The following GFRA1 variants were observed in gnomAD, a reference collection of about 807,000 sequenced individuals.
GFRA1 encodes GDNF family receptor alpha-1.
GFRA1 carries 16 observed loss-of-function variants against 51.6 expected under a neutral mutation model. The observed-to-expected ratio is 0.31, with a 90% CI of 0.21 to 0.47. The LOEUF (loss-of-function observed/expected upper bound fraction) is 0.47. GFRA1 is among the 20% of genes least tolerant of loss of function. The pLI is 1.00. For missense variants in GFRA1, 530 were observed against 594.3 expected (o/e 0.89, Z 1.13); for synonymous variants, 270 against 241.3 (o/e 1.12, Z -1.10).
At chr10:116,127,113 A>T (rs1957911037) in intron 5 of GFRA1, among the ~76,000 whole-genome samples, 1 of 144,930 alleles carries the variant, frequency 6.9e-6, no homozygotes, top group Admixed American at 6.8e-5. Context: ...AAAAAAAAAA[A>T]ATGGGGAGTT....
chr10:116,246,423 C>T (rs1967869174), intron 4 of GFRA1, among the ~76,000 whole-genome samples: 1 of 152,144 alleles, frequency 6.6e-6, no homozygotes, highest in Non-Finnish European at 1.5e-5. Flanking sequence ...AAGAGCAAGA[C>T]TCCGTCTCTA....
chr10:116,207,954 T>C (rs1964910875), intron 5 of GFRA1, among the ~76,000 whole-genome samples: 1 of 152,110 alleles, frequency 6.6e-6, no homozygotes, highest in South Asian at 2.1e-4. Flanking sequence ...TCTCATGTAC[T>C]GTTCTGTGTG....
intron 9 of GFRA1, among the ~76,000 whole-genome samples, chr10:116,079,456 T>G (rs2133827676): frequency 6.6e-6 from 1 of 151,702 alleles, no homozygotes; most frequent in Admixed American, 6.5e-5. Context: ...AACACGAGGA[T>G]TCTCAAAAGC....
chr10:116,202,174 G>C (rs1408052078), intron 5 of GFRA1, among the ~76,000 whole-genome samples: 1 of 152,176 alleles, frequency 6.6e-6, no homozygotes, highest in Admixed American at 6.5e-5. Flanking sequence ...TCAATCGGGT[G>C]TGGGAAGCCA....
rs72834526 is a variant in GFRA1, at chr10:116,068,792, G to A, written c.1198-3166C>T. Among the ~76,000 whole-genome samples, 976 of 152,236 alleles carry A rather than the reference G, an allele frequency of 6.4e-3. 8 individuals are homozygous for A. The highest frequency in any genetic ancestry group is 0.014 in the Middle Eastern group (4 of 294). On this transcript the variant is annotated intron_variant, in intron 9 of 10. Transcript: ENST00000355422. ...AAGCTATCACTGTCTTGCTAGTCAG[G>A]TATGATAAATGCAAACAGATAAAAT... is the stretch of plus-strand genomic sequence containing the variant.
rs773417513 is a variant in GFRA1, at chr10:116,272,206, C to T, written c.-177G>A. ...CGGGTCTGGCAGCAGCCACCGCCGCCGGCGACTCAGCTCCGGGATGGCGAG... is the reference window on the plus strand; with the variant it reads ...CGGGTCTGGCAGCAGCCACCGCCGCTGGCGACTCAGCTCCGGGATGGCGAG... On this transcript the variant is annotated 5_prime_UTR_variant, in exon 2 of 11. Coordinates refer to ENST00000355422, the MANE Select transcript of GFRA1 (RefSeq NM_005264.8). The surrounding 1 kb of genome is among the most constrained non-coding windows in gnomAD (Gnocchi z 4.4). The T allele has an allele frequency of 7.6e-6, 5 of 655,140 alleles. No homozygotes were observed. Among genetic ancestry groups the T allele is most frequent in the East Asian group, 2.7e-5 (1 of 36,598 alleles). The allele number at this position is 655,140 out of a possible 1,614,324, so 40.6% of individuals were successfully genotyped here.
intron 5 of GFRA1, among the ~76,000 whole-genome samples, chr10:116,152,656 G>C (rs974493344): frequency 2.0e-5 from 3 of 152,202 alleles, no homozygotes; most frequent in Non-Finnish European, 2.9e-5. Flanking sequence ...TTCAACATGC[G>C]ATTCAGACGA....
At chr10:116,157,530 C>T (rs1179486751) in intron 5 of GFRA1, among the ~76,000 whole-genome samples, 1 of 152,208 alleles carries the variant, frequency 6.6e-6, no homozygotes, top group African/African-American at 2.4e-5. Context: ...TTCATTCAAG[C>T]CTTCATGTTT....
At chr10:116,214,000 T>C (rs1371377265) in intron 4 of GFRA1, among the ~76,000 whole-genome samples, 1 of 152,238 alleles carries the variant, frequency 6.6e-6, no homozygotes, top group East Asian at 1.9e-4. Flanking sequence ...TACAGTAGTC[T>C]CTAACCTCAG....
intron 9 of GFRA1, among the ~76,000 whole-genome samples, chr10:116,080,413 G>T (rs1482179814): frequency 6.6e-6 from 1 of 152,154 alleles, no homozygotes; most frequent in Non-Finnish European, 1.5e-5. Flanking sequence ...CTGCCTGGGT[G>T]ATGGGTGCAC....
At chr10:116,175,237 A>G (rs1179763189) in intron 5 of GFRA1, among the ~76,000 whole-genome samples, 16 of 152,180 alleles carry the variant, frequency 1.1e-4, no homozygotes, top group Admixed American at 1.0e-3. Context: ...CCTCCAGGTT[A>G]ATAGTGTCTG....
At chr10:116,244,096 G>A (rs1251541930) in intron 4 of GFRA1, among the ~76,000 whole-genome samples, 1 of 151,836 alleles carries the variant, frequency 6.6e-6, no homozygotes, top group Non-Finnish European at 1.5e-5. Context: ...ACCTATTGTT[G>A]AAATAATAAA....
chr10:116,231,155 G>A (rs563904626), intron 4 of GFRA1, among the ~76,000 whole-genome samples: 5 of 152,280 alleles, frequency 3.3e-5, no homozygotes, highest in South Asian at 2.1e-4. Context: ...ACTTTAAGCC[G>A]ATGCCTGAAA....
chr10:116,246,723 C>T (rs1038221830), intron 4 of GFRA1, among the ~76,000 whole-genome samples: 1 of 152,106 alleles, frequency 6.6e-6, no homozygotes, highest in Non-Finnish European at 1.5e-5. Context: ...TAAAGGATGA[C>T]TACTTAATAG....
intron 9 of GFRA1, among the ~76,000 whole-genome samples, chr10:116,070,703 G>C (rs1955342708): frequency 6.7e-6 from 1 of 149,490 alleles, no homozygotes; most frequent in African/African-American, 2.5e-5. Context: ...GAAAAAAGAA[G>C]CTCCTTGTTA....
At chr10:116,270,768 C>G in intron 3 of GFRA1, 54 bp downstream of exon 3, 1 of 1,503,042 alleles carries the variant, frequency 6.7e-7, no homozygotes, top group Non-Finnish European at 9.2e-7. Context: ...GGACGAAAGG[C>G]CCGCCTGCCT....
chr10:116,226,692 TTAG>T (rs1366907419), intron 4 of GFRA1: 20 of 262,118 alleles, frequency 7.6e-5, no homozygotes, highest in Admixed American at 4.1e-4. Flanking sequence ...TTTATTTCTA[TTAG>T]TACTACATTG....
At chr10:116,065,265 T>C (rs1219082978) in intron 10 of GFRA1, among the ~76,000 whole-genome samples, 1 of 152,136 alleles carries the variant, frequency 6.6e-6, no homozygotes, top group Non-Finnish European at 1.5e-5. Context: ...AGCAGTGAGA[T>C]TTGCTATGTA....
Position 116,272,145 on chromosome 10 carries a change from C to G in GFRA1, c.-116G>C. On this transcript the variant is annotated 5_prime_UTR_variant, in exon 2 of 11. Transcript: ENST00000355422. This position sits in a 1 kb window ranked among gnomAD's most constrained non-coding sequence, Gnocchi z 4.4. ...CGGACAGCTGTGCTGCTCTGGCCGC[C>G]CAAAGTTCAGCTCCATCCAGTGAAA... 1.1e-6 allele frequency: 1 copy of G among 925,764 alleles called. No homozygotes were observed. The highest frequency in any genetic ancestry group is 1.7e-6 in the Non-Finnish European group (1 of 580,830). 57.3% of individuals were successfully genotyped at this position (925,764 alleles called of 1,614,324 possible). A position where few individuals can be genotyped will look rare whatever the true frequency, so the allele number is the denominator to read the frequency against.
Sources: gnomAD v4.1 joint callset for allele counts (sites outside exome capture counted in the v4.1 genomes callset) on GRCh38, gnomAD v4.1.1 for gene constraint, Gnocchi (gnomAD v3.1) non-coding constraint, MANE v1.5 for transcripts, NCBI Gene and HGNC (gene_info 2026-07-23, HGNC 2026-07-21) for gene names.